AFF2: variants seen among roughly 807,000 people sequenced by gnomAD.
The protein encoded by AFF2 is ALF transcription elongation factor 2.
AFF2 carries 14 observed loss-of-function variants against 76.9 expected under a neutral mutation model. That is an observed-to-expected ratio of 0.18 (90% CI 0.12 to 0.28). The LOEUF is 0.28. Among genes scored for constraint, AFF2 ranks in the 10% least tolerant of loss-of-function variants. The pLI, the probability that AFF2 is intolerant of heterozygous loss-of-function variation, is 1.00. For synonymous variants in AFF2, 398 were observed against 366.7 expected (o/e 1.09, Z -0.98); for missense variants, 868 against 1,001.1 (o/e 0.87, Z 1.79).
At chrX:148,885,612 A>G (rs1045487056) in intron 7 of AFF2, among the ~76,000 whole-genome samples, 1 of 111,836 alleles carries the variant, frequency 8.9e-6, no homozygotes, top group Non-Finnish European at 1.9e-5. Flanking sequence ...TTTTAGTAGT[A>G]AAAATGTATA....
At position 148,956,629 on chromosome X, in the gene AFF2, T is replaced by G; in HGVS notation, c.2568+16T>G. The G allele has an allele frequency of 8.4e-7, 1 of 1,187,063 alleles. No homozygotes were observed. The highest frequency in any genetic ancestry group is 1.1e-6 in the Non-Finnish European group (1 of 883,493). ...TAAGCACAAGGTAAGCTGTCTAAAGTGGCCTGCCAAGTGCTTGTGAGCAGT... is the reference window on the plus strand; with the variant it reads ...TAAGCACAAGGTAAGCTGTCTAAAGGGGCCTGCCAAGTGCTTGTGAGCAGT... On this transcript the variant is annotated intron_variant, in intron 11 of 20. Coordinates refer to ENST00000370460, the MANE Select transcript of AFF2 (RefSeq NM_002025.4).
intron 4 of AFF2, among the ~76,000 whole-genome samples, chrX:148,830,618 C>G (rs782056518): frequency 3.6e-5 from 4 of 111,378 alleles, no homozygotes; most frequent in Non-Finnish European, 7.5e-5. Flanking sequence ...GCAAAACCAG[C>G]AAGTTTTTAT....
intron 3 of AFF2, among the ~76,000 whole-genome samples, chrX:148,742,026 C>T (rs12388863): frequency 0.078 from 8,739 of 111,393 alleles, 810 homozygotes; most frequent in African/African-American, 0.26. Flanking sequence ...GGAGCAGTCT[C>T]CTTCCTTCAG....
At chrX:148,778,981 G>T (rs2069705031) in intron 3 of AFF2, among the ~76,000 whole-genome samples, 1 of 111,165 alleles carries the variant, frequency 9.0e-6, no homozygotes, top group South Asian at 3.8e-4. Context: ...TGGGCATTTA[G>T]TGCTATAAAT....
At chrX:148,959,852 A>C (rs1470414467) in intron 12 of AFF2, among the ~76,000 whole-genome samples, 1 of 112,498 alleles carries the variant, frequency 8.9e-6, no homozygotes, top group Non-Finnish European at 1.9e-5. Context: ...GGAAGGACTA[A>C]AATGGCATAG....
rs1472311413 is a variant in AFF2, at chrX:148,862,204, A to T, written c.1262+18771A>T. ...AGATAATAGTCCTATTATCCGGGTG[A>T]CTTTTGAGACCATTCTGAATGCTAG... On this transcript the variant is annotated intron_variant, in intron 7 of 20. Coordinates refer to ENST00000370460, the MANE Select transcript of AFF2 (RefSeq NM_002025.4). Among the ~76,000 whole-genome samples, 21 of 109,657 alleles carry T rather than the reference A, an allele frequency of 1.9e-4. No homozygotes were observed. The Admixed American group carries it at 1.9e-3, about 10-fold the overall frequency.
intron 3 of AFF2, among the ~76,000 whole-genome samples, chrX:148,729,136 G>C (rs1490809867): frequency 8.9e-6 from 1 of 111,806 alleles, no homozygotes; most frequent in South Asian, 3.8e-4. Context: ...CAGCTTCATG[G>C]GGTGAATCAG....
intron 3 of AFF2, among the ~76,000 whole-genome samples, chrX:148,704,145 G>A (rs978255993): frequency 2.4e-5 from 2 of 82,922 alleles, no homozygotes; most frequent in Admixed American, 3.2e-4. Flanking sequence ...TAGGGTGACT[G>A]CAAGTGGTTT....
chrX:148,775,734 G>A (rs1354236628), intron 3 of AFF2, among the ~76,000 whole-genome samples: 1 of 110,909 alleles, frequency 9.0e-6, no homozygotes, highest in Non-Finnish European at 1.9e-5. Flanking sequence ...TATGTTTTGT[G>A]TGTCTTCTAT....
intron 8 of AFF2, among the ~76,000 whole-genome samples, chrX:148,901,162 A>G (rs1252431346): frequency 8.9e-6 from 1 of 111,939 alleles, no homozygotes; most frequent in African/African-American, 3.2e-5. Context: ...GTACTTGCCA[A>G]TAGGGTAAGT....
intron 4 of AFF2, 53 bp downstream of exon 4, chrX:148,809,973 CT>C (rs2124640546): frequency 9.1e-7 from 1 of 1,100,240 alleles, no homozygotes; most frequent in East Asian, 3.0e-5. Context: ...AATCTATCTG[CT>C]TAAGCTGTTT....
At chrX:148,585,346 C>T (rs782470802) in intron 1 of AFF2, among the ~76,000 whole-genome samples, 5 of 111,942 alleles carry the variant, frequency 4.5e-5, no homozygotes, top group Non-Finnish European at 9.4e-5. Flanking sequence ...GATCAAGTCA[C>T]TCATTGCTCT....
intron 1 of AFF2, among the ~76,000 whole-genome samples, chrX:148,616,881 T>C (rs1418132977): frequency 5.0e-4 from 56 of 110,947 alleles, no homozygotes; most frequent in Non-Finnish European, 9.8e-4. Flanking sequence ...GCTTCATCCA[T>C]GTCCCTACAA....
intron 1 of AFF2, among the ~76,000 whole-genome samples, chrX:148,551,799 A>G (rs1433884829): frequency 8.9e-6 from 1 of 111,756 alleles, no homozygotes; most frequent in East Asian, 2.8e-4. Context: ...GGGTCTTTGT[A>G]TACCTGGGGA....
chrX:148,603,164 C>G (rs1395834279), intron 1 of AFF2, among the ~76,000 whole-genome samples: 2 of 111,112 alleles, frequency 1.8e-5, no homozygotes, highest in African/African-American at 6.5e-5. Flanking sequence ...AAACCAAATT[C>G]TTTTAGGATA....
Position 148,501,010 on chromosome X carries a change from C to G in AFF2, c.-88C>G. ...GGAGGGCTGGAGAGCCGGGGGCCGC[C>G]GAGAACCGCCAGCGAGCTGTGCCGA... On this transcript the variant is annotated 5_prime_UTR_variant, in exon 1 of 21. Transcript: ENST00000370460. The G allele has an allele frequency of 8.2e-6, 9 of 1,104,087 alleles. No individual in the cohort carries two copies. Among genetic ancestry groups the G allele is most frequent in the Non-Finnish European group, 1.1e-5 (9 of 828,635 alleles). The allele number at this position is 1,104,087 out of a possible 1,213,427, so 91.0% of individuals were successfully genotyped here. A position where few individuals can be genotyped will look rare whatever the true frequency, so the allele number is the denominator to read the frequency against.
rs1557256399 is a variant in AFF2, at chrX:148,651,991, C to T, written c.48-8C>T. ...TTTTCTCTTTTTGTCTTTTCCTTTTCATATCAGTCACTATGAACAAGACCG... is the reference window on the plus strand; with the variant it reads ...TTTTCTCTTTTTGTCTTTTCCTTTTTATATCAGTCACTATGAACAAGACCG... On this transcript the variant is annotated splice_region_variant and splice_polypyrimidine_tract_variant and intron_variant, in intron 1 of 20. Transcript: ENST00000370460. The T allele has an allele frequency of 6.1e-6, 7 of 1,154,341 alleles. No homozygotes were observed. Among genetic ancestry groups the T allele is most frequent in the African/African-American group, 1.8e-5 (1 of 54,327 alleles).
chrX:148,829,247 C>T (rs997708150), intron 4 of AFF2, among the ~76,000 whole-genome samples: 10 of 112,101 alleles, frequency 8.9e-5, no homozygotes, highest in Non-Finnish European at 1.7e-4. Flanking sequence ...TTAATGTAAC[C>T]GTTGATTTTA....
At chrX:148,577,390 CTG>C (rs1557243655) in intron 1 of AFF2, among the ~76,000 whole-genome samples, 1 of 112,081 alleles carries the variant, frequency 8.9e-6, no homozygotes. Context: ...ATAAAAATAA[CTG>C]GAAGTTATTT....
Sources: allele counts gnomAD v4.1 joint callset (sites outside exome capture counted in the v4.1 genomes callset), GRCh38; gene constraint gnomAD v4.1.1; transcripts MANE v1.5; gene names NCBI Gene and HGNC (gene_info 2026-07-23, HGNC 2026-07-21).